FREM3: variants seen among roughly 807,000 people sequenced by gnomAD.
FREM3 encodes the protein FRAS1-related extracellular matrix protein 3.
Under a neutral mutation model 129.1 loss-of-function variants are expected in FREM3, and 105 were observed. The observed-to-expected ratio is 0.81, with a 90% CI of 0.69 to 0.96. FREM3 has a LOEUF of 0.96. FREM3 is among the 40% of genes least tolerant of loss of function. The pLI, the probability that FREM3 is intolerant of heterozygous loss-of-function variation, is 0.00. For missense variants in FREM3, 2,593 were observed against 2,666.3 expected, an observed-to-expected ratio of 0.97 and a Z score of 0.61; for synonymous variants, 1,014 against 1,044.9, an observed-to-expected ratio of 0.97 and a Z score of 0.57.
intron 2 of FREM3, chr4:143,645,165 T>C (rs1234193586): frequency 1.3e-5 from 2 of 152,124 alleles, no homozygotes; most frequent in Non-Finnish European, 2.9e-5. Context: ...GGTAAGATAA[T>C]CATTGAAAGC....
At position 143,697,615 on chromosome 4, in the gene FREM3, G is replaced by A. The variant is rs1173076244; in HGVS notation, c.3061C>T (p.His1021Tyr). 2.0e-6 allele frequency: 3 copies of A among 1,537,784 alleles called. No homozygotes were observed. Among genetic ancestry groups the A allele is most frequent in the Non-Finnish European group, 2.6e-6 (3 of 1,147,030 alleles). Residue 1021 changes from histidine to tyrosine, a missense_variant, in exon 1 of 8, where the codon CAC becomes TAC. His to Tyr is a moderately conservative substitution (Grantham distance 83). This residue lies in a region of FREM3 where 2,276 missense variants were observed against 2,267.2 expected (regional missense o/e 1.00). Transcript: ENST00000329798. ...TGAAAACCAACTTCACCTGCAGTGTGGGCATAGGCTACTCTCCCATTGATG... is the reference window on the plus strand; with the variant it reads ...TGAAAACCAACTTCACCTGCAGTGTAGGCATAGGCTACTCTCCCATTGATG... ...DLINGRVAYA[H>Y]TAGEVGFQKQ...
At position 143,699,242 on chromosome 4, in the gene FREM3, A is replaced by C; in HGVS notation, c.1434T>G (p.His478Gln). 2 of 1,537,276 alleles carry C rather than the reference A, an allele frequency of 1.3e-6. No homozygotes were observed. The highest frequency in any genetic ancestry group is 1.7e-6 in the Non-Finnish European group (2 of 1,146,922). ...VKMAAVRGLR[H>Q]GQLVVFGAPA... ...GTGCCCCAAACACCACCAGCTGCCC[A>C]TGTCTCAAGCCCCTGACTGCAGCCA... is the stretch of plus-strand genomic sequence containing the variant. The change falls in exon 1 of 8, where the codon CAT (histidine) becomes CAG (glutamine). Residue 478 changes from histidine (H) to glutamine (Q), a missense_variant. His to Gln is a conservative substitution (Grantham distance 24). Around this residue, in one of 2 missense-constraint regions of FREM3, gnomAD observed 2,276 missense variants for 2,267.2 expected, o/e 1.00. Transcript: ENST00000329798. The surrounding 1 kb of genome is among the most constrained non-coding windows in gnomAD (Gnocchi z 4.2).
intron 2 of FREM3, among the ~76,000 whole-genome samples, chr4:143,680,954 T>C (rs1367260695): frequency 6.6e-6 from 1 of 152,096 alleles, no homozygotes; most frequent in Non-Finnish European, 1.5e-5. Flanking sequence ...TAGGAATTCA[T>C]ATGGACCACG....
intron 6 of FREM3, among the ~76,000 whole-genome samples, chr4:143,591,403 T>A (rs1159906086): frequency 2.0e-5 from 3 of 152,266 alleles, no homozygotes; most frequent in Admixed American, 1.3e-4. Context: ...CTCTACACAC[T>A]GCTTTGAATG....
At chr4:143,663,024 T>C (rs1174585677) in intron 2 of FREM3, among the ~76,000 whole-genome samples, 1 of 152,170 alleles carries the variant, frequency 6.6e-6, no homozygotes, top group Non-Finnish European at 1.5e-5. Context: ...TGATGGGTCT[T>C]GACTCTTTAT....
intron 2 of FREM3, among the ~76,000 whole-genome samples, chr4:143,676,051 A>G (rs1377785372): frequency 1.3e-5 from 2 of 152,248 alleles, no homozygotes; most frequent in Non-Finnish European, 2.9e-5. Context: ...TGAAGCCAGC[A>G]TTATCCTGAT....
intron 3 of FREM3, among the ~76,000 whole-genome samples, chr4:143,626,148 T>C (rs750123709): frequency 2.0e-5 from 3 of 152,118 alleles, no homozygotes; most frequent in Non-Finnish European, 4.4e-5. Context: ...TCTGTGATGT[T>C]GAGTAGTATT....
At chr4:143,648,148 A>G (rs567988318) in intron 2 of FREM3, among the ~76,000 whole-genome samples, 1 of 152,214 alleles carries the variant, frequency 6.6e-6, no homozygotes, top group Non-Finnish European at 1.5e-5. Context: ...CTGGAATTGC[A>G]TGGGGCCTGT....
intron 6 of FREM3, among the ~76,000 whole-genome samples, chr4:143,589,681 T>C (rs1283660025): frequency 6.6e-6 from 1 of 152,230 alleles, no homozygotes; most frequent in Non-Finnish European, 1.5e-5. Flanking sequence ...GCGTGATGCC[T>C]GCAGCTTTGT....
chr4:143,699,787 G>A lies in FREM3; in HGVS notation c.889C>T (p.Arg297Cys). The A allele has an allele frequency of 6.5e-7, 1 of 1,535,602 alleles. No homozygotes were observed. The highest frequency in any genetic ancestry group is 8.7e-7 in the Non-Finnish European group (1 of 1,146,346). The change falls in exon 1 of 8, where the codon CGC (arginine) becomes TGC (cysteine). Residue 297 changes from arginine (R) to cysteine (C), a missense_variant. Coordinates refer to ENST00000329798, the MANE Select transcript of FREM3 (RefSeq NM_001168235.2). The surrounding 1 kb of genome is among the most constrained non-coding windows in gnomAD (Gnocchi z 4.2). ...GGCGGTGTGTTCTCGGCTCCGCCGC[G>A]GATCCTCACGAGCAGCTGGAAGTGC... is the stretch of plus-strand genomic sequence containing the variant. ...REHFQLLVRI[R>C]GGAENTPPRP... is the part of the protein sequence containing the mutation.
At chr4:143,639,156 GT>G (rs2149845743) in intron 2 of FREM3, among the ~76,000 whole-genome samples, 1 of 152,250 alleles carries the variant, frequency 6.6e-6, no homozygotes, top group Non-Finnish European at 1.5e-5. Flanking sequence ...GAAGAGAACA[GT>G]TCTTCACCCG....
intron 6 of FREM3, among the ~76,000 whole-genome samples, chr4:143,593,711 G>A (rs530009135): frequency 7.9e-5 from 12 of 152,024 alleles, no homozygotes; most frequent in South Asian, 2.1e-4. Context: ...CAGTCTGCCC[G>A]TTCTCAGATC....
Position 143,585,621 on chromosome 4 carries a change from G to GC in FREM3, c.6178+222dup, listed in dbSNP as rs1208963705. On this transcript the variant is annotated intron_variant, in intron 7 of 7. Transcript: ENST00000329798. This position sits in a 1 kb window ranked among gnomAD's most constrained non-coding sequence, Gnocchi z 4.2. ...AAAAATTAATGTGAGCCCATGACAA[G>GC]CCAGTGGGTAATAAATGAATCATAA... 1.3e-5 allele frequency among the ~76,000 whole-genome samples: 2 copies of GC among 152,180 alleles called. No individual in the cohort carries two copies. Among genetic ancestry groups the GC allele is most frequent in the African/African-American group, 4.8e-5 (2 of 41,432 alleles).
chr4:143,627,702 C>A lies in FREM3; in HGVS notation c.5334G>T (p.Glu1778Asp). Residue 1778 changes from glutamate to aspartate, a missense_variant, in exon 3 of 8, where the codon GAG becomes GAT. This residue lies in a region of FREM3 where 2,276 missense variants were observed against 2,267.2 expected (regional missense o/e 1.00). Coordinates refer to ENST00000329798, the MANE Select transcript of FREM3 (RefSeq NM_001168235.2). ...CTTCATCCACAATGTAGTACTCTTT[C>A]TCCAAACAAATCCAAGCCCAGTTTA... Reference protein sequence around the residue: ...FHLNWAWICLEKEYYIVDEDS... With the variant: ...FHLNWAWICLDKEYYIVDEDS... 1 of 1,534,564 alleles carries A rather than the reference C, an allele frequency of 6.5e-7. No homozygotes were observed. The highest frequency in any genetic ancestry group is 8.7e-7 in the Non-Finnish European group (1 of 1,144,468).
At chr4:143,661,430 G>T (rs1376820471) in intron 2 of FREM3, among the ~76,000 whole-genome samples, 1 of 151,888 alleles carries the variant, frequency 6.6e-6, no homozygotes, top group Non-Finnish European at 1.5e-5. Context: ...TGCATCCCAG[G>T]GATGAAGCCC....
In FREM3 at chr4:143,695,518, T is replaced by C. The variant is rs1367376474; in HGVS notation, c.5158A>G (p.Asn1720Asp). 4.6e-6 allele frequency: 7 copies of C among 1,537,384 alleles called. No individual in the cohort carries two copies. Among genetic ancestry groups the C allele is most frequent in the Non-Finnish European group, 6.1e-6 (7 of 1,146,930 alleles). ...HGFIIKTGLG[N>D]QSTRVFTQAD... is the part of the protein sequence containing the mutation. ...TGTGTAAACACTCGAGTGCTCTGGT[T>C]TCCAAGGCCAGTTTTGATAATGAAG... is the stretch of plus-strand genomic sequence containing the variant. Residue 1720 changes from asparagine (N) to aspartate (D), a missense_variant, in exon 1 of 8, where the codon AAC becomes GAC. By Grantham distance (23) the Asn-to-Asp change is conservative. Coordinates refer to ENST00000329798, the MANE Select transcript of FREM3 (RefSeq NM_001168235.2).
intron 5 of FREM3, among the ~76,000 whole-genome samples, chr4:143,615,717 AC>A (rs58141643): frequency 0.032 from 4,632 of 144,878 alleles, 222 homozygotes; most frequent in African/African-American, 0.12. Flanking sequence ...CAAAAAAAAA[AC>A]AAAAACCCAA....
chr4:143,696,717 C>T lies in FREM3; in HGVS notation c.3959G>A (p.Gly1320Glu), dbSNP rs756469408. The T allele has an allele frequency of 1.5e-4, 224 of 1,537,710 alleles. 1 individual carries two copies. Among genetic ancestry groups the T allele is most frequent in the Non-Finnish European group, 1.9e-4 (218 of 1,147,072 alleles). The part of the protein sequence containing the change: ...TVNNGLKVEK[G>E]HSEIITNRIL... ...CCGATTTGTGATGATCTCAGAGTGT[C>T]CTTTCTCTACCTTCAGCCCATTGTT... Residue 1320 changes from glycine to glutamate, a missense_variant, in exon 1 of 8, where the codon GGA becomes GAA. Coordinates refer to ENST00000329798, the MANE Select transcript of FREM3 (RefSeq NM_001168235.2).
At chr4:143,601,621 A>G (rs1738574016) in intron 6 of FREM3, among the ~76,000 whole-genome samples, 1 of 152,220 alleles carries the variant, frequency 6.6e-6, no homozygotes, top group Non-Finnish European at 1.5e-5. Context: ...AGTGGAAGTT[A>G]GGTTCTAAAG....
Sources: allele counts gnomAD v4.1 joint callset (sites outside exome capture counted in the v4.1 genomes callset), GRCh38; gene constraint gnomAD v4.1.1; regional missense constraint gnomAD v4.1.1; non-coding constraint Gnocchi (gnomAD v3.1); transcripts MANE v1.5; gene names NCBI Gene and HGNC (gene_info 2026-07-23, HGNC 2026-07-21).